Variants in GSG1L2 observed in about 807,000 individuals in gnomAD.
The protein encoded by GSG1L2 is germ cell-specific gene 1-like protein 2.
Under a neutral mutation model 9.0 loss-of-function variants are expected in GSG1L2, and 15 were observed. That is an observed-to-expected ratio of 1.67 (90% CI 1.12 to 2.57). The LOEUF (loss-of-function observed/expected upper bound fraction) is 2.57. Among genes scored for constraint, GSG1L2 ranks in the 30% most tolerant of loss-of-function variants. GSG1L2 has a pLI of 0.00. For missense variants in GSG1L2, 286 were observed against 150.3 expected, an observed-to-expected ratio of 1.90 and a Z score of -4.72; for synonymous variants, 127 against 57.9, an observed-to-expected ratio of 2.19 and a Z score of -5.41.
rs567474411 is a variant in GSG1L2 at position 9,820,470 on chromosome 17, C to T, written c.310+1292G>A. Among the ~76,000 whole-genome samples, 30 of 115,274 alleles carry T rather than the reference C, an allele frequency of 2.6e-4. No individual in the cohort carries two copies. The highest frequency in any genetic ancestry group is 1.0e-3 in the East Asian group (2 of 1,928). 75.6% of individuals were successfully genotyped at this position (115,274 alleles called of 152,430 possible). ...TAGGAAGATAGCACTCCCTGAGAAG[C>T]GAGGAACTGTGGAGGTCCTAAATAG... On this transcript the variant is annotated intron_variant, in intron 1 of 4. Transcript: ENST00000399363. This position sits in a 1 kb window ranked among gnomAD's most constrained non-coding sequence, Gnocchi z 4.9.
chr17:9,804,818 G>A (rs2066511065), intron 4 of GSG1L2: 1 of 152,124 alleles, frequency 6.6e-6, no homozygotes, highest in Non-Finnish European at 1.5e-5. Flanking sequence ...AACAAAGCAG[G>A]GAGGGGAAAG....
At chr17:9,816,495 T>A in intron 1 of GSG1L2, among the ~76,000 whole-genome samples, 1 of 150,024 alleles carries the variant, frequency 6.7e-6, no homozygotes, top group Non-Finnish European at 1.5e-5. Context: ...TGCATGTGTC[T>A]GTGTGTGCCT....
At chr17:9,809,268 C>T (rs1285477567) in intron 2 of GSG1L2, 3 of 409,270 alleles carry the variant, frequency 7.3e-6, no homozygotes, top group Non-Finnish European at 1.4e-5. Context: ...TGGGGGTCTC[C>T]ATGCCCTAGC....
rs144625870 is a variant in GSG1L2 at position 9,813,516 on chromosome 17, T to G, written c.311-2898A>C. On this transcript the variant is annotated intron_variant, in intron 1 of 4. Transcript: ENST00000399363. ...TCAATTAAGTCACTTTGGATTAATG[T>G]GATTGGACACTTCTCCTGATGTCAG... Among the ~76,000 whole-genome samples, 366 of 152,338 alleles carry G rather than the reference T, an allele frequency of 2.4e-3. 3 individuals carry two copies. Among genetic ancestry groups the G allele is most frequent in the African/African-American group, 8.3e-3 (344 of 41,576 alleles).
intron 1 of GSG1L2, among the ~76,000 whole-genome samples, chr17:9,815,339 A>G (rs2320261): frequency 0.078 from 11,921 of 152,202 alleles, 1,146 homozygotes; most frequent in East Asian, 0.23. Flanking sequence ...GCAGTGAGGC[A>G]AGATTCCATG....
intron 4 of GSG1L2, chr17:9,803,974 C>G (rs769279570): frequency 2.0e-5 from 3 of 152,216 alleles, no homozygotes; most frequent in African/African-American, 7.2e-5. Context: ...TGGGCCTGGT[C>G]TTGCTTCGTG....
At chr17:9,821,618 CCAGA>C in intron 1 of GSG1L2, 140 bp downstream of exon 1, 1 of 625,992 alleles carries the variant, frequency 1.6e-6, no homozygotes, top group Non-Finnish European at 2.9e-6. Context: ...GGATTCAAAC[CCAGA>C]CAGCCTGGCT....
intron 1 of GSG1L2, among the ~76,000 whole-genome samples, chr17:9,811,486 C>CTAAG (rs1209942280): frequency 1.3e-5 from 2 of 152,204 alleles, no homozygotes; most frequent in African/African-American, 4.8e-5. Flanking sequence ...CTTTAAAATT[C>CTAAG]TAAGTCCATG....
At position 9,810,535 on chromosome 17, in the gene GSG1L2, G is replaced by A. The variant is rs1226793096; in HGVS notation, c.358+36C>T. The stretch of plus-strand genomic sequence containing the variant: ...CTATAAAAATAGTCCAAGCTATGAG[G>A]AGTGCTAGTGGGCAGAGTGTGAGTA... On this transcript the variant is annotated intron_variant, in intron 2 of 4. Coordinates refer to ENST00000399363, the MANE Select transcript of GSG1L2 (RefSeq NM_001310219.2). 2.0e-5 allele frequency: 14 copies of A among 702,236 alleles called. No homozygotes were observed. The Admixed American group carries it at 2.2e-4, about 11-fold the overall frequency. The allele number at this position is 702,236 out of a possible 1,614,324, so 43.5% of individuals were successfully genotyped here. A position where few individuals can be genotyped will look rare whatever the true frequency, so the allele number is the denominator to read the frequency against.
At chr17:9,814,026 C>T (rs1194020836) in intron 1 of GSG1L2, among the ~76,000 whole-genome samples, 1 of 152,068 alleles carries the variant, frequency 6.6e-6, no homozygotes, top group African/African-American at 2.4e-5. Context: ...CCTCTGCCTC[C>T]CGGGTTCAAG....
intron 2 of GSG1L2, 179 bp from the exon 3 acceptor site, chr17:9,809,161 G>T: frequency 1.7e-6 from 1 of 581,056 alleles, no homozygotes; most frequent in Non-Finnish European, 3.1e-6. Context: ...CCTCAGGGCT[G>T]AAAGAGACGG....
chr17:9,806,631 T>C (rs1370695329), intron 4 of GSG1L2, among the ~76,000 whole-genome samples: 2 of 152,230 alleles, frequency 1.3e-5, no homozygotes, highest in African/African-American at 2.4e-5. Context: ...TTGGCCACGG[T>C]TGAGAACCCA....
chr17:9,817,982 A>G (rs1396888298), intron 1 of GSG1L2, among the ~76,000 whole-genome samples: 2 of 152,066 alleles, frequency 1.3e-5, no homozygotes, highest in Non-Finnish European at 2.9e-5. Flanking sequence ...ATCTCCATCT[A>G]TTAAAATCAT....
chr17:9,817,185 C>T (rs187694981), intron 1 of GSG1L2, among the ~76,000 whole-genome samples: 10 of 152,306 alleles, frequency 6.6e-5, no homozygotes, highest in East Asian at 5.8e-4. Context: ...TGTGTGACTA[C>T]GGCTCATGCC....
Position 9,802,148 on chromosome 17 carries a change from G to T in GSG1L2, c.*238C>A, listed in dbSNP as rs1470759649. On this transcript the variant is annotated 3_prime_UTR_variant, in exon 5 of 5. Coordinates refer to ENST00000399363, the MANE Select transcript of GSG1L2 (RefSeq NM_001310219.2). ...CATTAAGAAGCTCTCTTTTATACTA[G>T]AGTGTCAATGGTTGATATCTTCAGT... Among the ~76,000 whole-genome samples the T allele has an allele frequency of 2.6e-5, 4 of 152,148 alleles. No homozygotes were observed. The highest frequency in any genetic ancestry group is 9.7e-5 in the African/African-American group (4 of 41,422).
chr17:9,816,922 G>GTATC (rs879662274), intron 1 of GSG1L2, among the ~76,000 whole-genome samples: 18 of 148,894 alleles, frequency 1.2e-4, no homozygotes, highest in South Asian at 8.5e-4. Flanking sequence ...GTGTGTGTGT[G>GTATC]TGTGTGTGTG....
intron 1 of GSG1L2, among the ~76,000 whole-genome samples, chr17:9,816,902 G>A (rs1390273760): frequency 1.1e-5 from 1 of 87,734 alleles, no homozygotes; most frequent in Non-Finnish European, 2.0e-5. Context: ...GTATCTGTGT[G>A]TGTGTATCTG....
intron 1 of GSG1L2, among the ~76,000 whole-genome samples, chr17:9,816,910 C>CTGTGTG (rs56337214): frequency 0.013 from 1,193 of 94,442 alleles, 8 homozygotes; most frequent in South Asian, 0.017. Flanking sequence ...GTGTGTGTAT[C>CTGTGTG]TGTGTGTGTG....
chr17:9,821,056 CA>C (rs1224272995), intron 1 of GSG1L2, among the ~76,000 whole-genome samples: 1 of 152,060 alleles, frequency 6.6e-6, no homozygotes, highest in African/African-American at 2.4e-5. Context: ...TTAGAAACTC[CA>C]GAAAAAGTTA....
Sources: allele counts gnomAD v4.1 joint callset (sites outside exome capture counted in the v4.1 genomes callset), GRCh38; gene constraint gnomAD v4.1.1; non-coding constraint Gnocchi (gnomAD v3.1); transcripts MANE v1.5; gene names NCBI Gene and HGNC (gene_info 2026-07-23, HGNC 2026-07-21).